FGF1: variants seen among roughly 807,000 people sequenced by gnomAD.
FGF1 encodes the protein fibroblast growth factor 1, also known as beta-endothelial cell growth factor.
In FGF1, 9 loss-of-function variants were observed where a neutral mutation model predicts 13.4. The ratio of observed to expected loss-of-function variants is 0.67; its 90% CI spans 0.40 to 1.17. The LOEUF is 1.17. Ranked by LOEUF, FGF1 falls within the 50% of genes most tolerant of loss-of-function variation. The pLI is 0.01. For synonymous variants in FGF1, 93 were observed against 79.0 expected (o/e 1.18, Z -0.94); for missense variants, 156 against 192.7 (o/e 0.81, Z 1.13).
chr5:142,609,538 A>C (rs927081071), intron 2 of FGF1, among the ~76,000 whole-genome samples: 6 of 152,164 alleles, frequency 3.9e-5, no homozygotes, highest in African/African-American at 1.4e-4. Flanking sequence ...GGCTTGCTGC[A>C]CCTGTGTCTG....
chr5:142,596,581 A>AT lies in FGF1; in HGVS notation c.274-1098dup, dbSNP rs1248236555. Among the ~76,000 whole-genome samples the AT allele has an allele frequency of 7.7e-3, 936 of 121,816 alleles. 11 individuals carry two copies. The highest frequency in any genetic ancestry group is 0.026 in the Middle Eastern group (4 of 156). 79.9% of individuals were successfully genotyped at this position (121,816 alleles called of 152,430 possible). The stretch of plus-strand genomic sequence containing the variant: ...AACATAGCAAGACCCATTCTCTACA[A>AT]TTTTTTTTTTTTAATTAGCTAGGTG... On this transcript the variant is annotated intron_variant, in intron 3 of 3. Transcript: ENST00000337706.
At chr5:142,640,923 A>G (rs1765103291) in intron 1 of FGF1, among the ~76,000 whole-genome samples, 1 of 152,028 alleles carries the variant, frequency 6.6e-6, no homozygotes, top group Non-Finnish European at 1.5e-5. Context: ...CCCCACAGAC[A>G]TAGACTCTCT....
rs375165081 is a variant in FGF1 at position 142,667,383 on chromosome 5, G to A, written c.-35+18574C>T. On this transcript the variant is annotated intron_variant, in intron 1 of 3. Transcript: ENST00000337706. Reference sequence around the variant, plus strand: ...GGGCGGGTCATGAGGTCAGGAGATCGAGACCATCCTGGCTAACTCGGTGAA... The same window carrying A: ...GGGCGGGTCATGAGGTCAGGAGATCAAGACCATCCTGGCTAACTCGGTGAA... Among the ~76,000 whole-genome samples, 254 of 151,736 alleles carry A rather than the reference G, an allele frequency of 1.7e-3. 1 individual carries two copies. Among genetic ancestry groups the A allele is most frequent in the East Asian group, 6.6e-3 (34 of 5,154 alleles).
rs543668631 is a variant in FGF1 at position 142,653,716 on chromosome 5, G to A, written c.-35+32241C>T. On this transcript the variant is annotated intron_variant, in intron 1 of 3. Transcript: ENST00000337706. ...TGCCTGCCTGTCTTCTACGACACCG[G>A]TTGGGGCTTAAATTCTACTTTTATT... is the stretch of plus-strand genomic sequence containing the variant. Among the ~76,000 whole-genome samples the A allele has an allele frequency of 3.3e-5, 5 of 152,274 alleles. No homozygotes were observed. In the South Asian group the frequency reaches 8.3e-4, roughly 25 times the overall value.
chr5:142,687,362 G>C (rs1332547534), upstream of FGF1, among the ~76,000 whole-genome samples: 1 of 152,182 alleles, frequency 6.6e-6, no homozygotes, highest in African/African-American at 2.4e-5. Flanking sequence ...ATGAGCCTTG[G>C]AGAAGGAGCT....
chr5:142,660,281 C>T (rs1424137243), intron 1 of FGF1, among the ~76,000 whole-genome samples: 1 of 152,248 alleles, frequency 6.6e-6, no homozygotes, highest in Non-Finnish European at 1.5e-5. Flanking sequence ...GGGAGCCACT[C>T]AGCCTCTGAC....
chr5:142,687,144 C>T (rs1031869692), upstream of FGF1, among the ~76,000 whole-genome samples: 1 of 152,042 alleles, frequency 6.6e-6, no homozygotes, highest in Non-Finnish European at 1.5e-5. Flanking sequence ...TGCACGCATG[C>T]ACTCCCATGT....
intron 1 of FGF1, among the ~76,000 whole-genome samples, chr5:142,653,975 C>G (rs996872292): frequency 6.6e-6 from 1 of 152,126 alleles, no homozygotes; most frequent in Non-Finnish European, 1.5e-5. Flanking sequence ...ACCTGTAGTC[C>G]CGGCTACTCG....
At chr5:142,623,017 C>G (rs1025133444) in intron 1 of FGF1, among the ~76,000 whole-genome samples, 3 of 152,354 alleles carry the variant, frequency 2.0e-5, no homozygotes, top group Admixed American at 6.5e-5. Context: ...AGGAATTTTA[C>G]TATTATTAAA....
At chr5:142,646,947 G>A (rs900753820) in intron 1 of FGF1, among the ~76,000 whole-genome samples, 1 of 152,174 alleles carries the variant, frequency 6.6e-6, no homozygotes, top group East Asian at 1.9e-4. Flanking sequence ...GTTGAAGGAA[G>A]CCTCATGGAC....
At chr5:142,683,652 T>G (rs1456895798) in intron 1 of FGF1, among the ~76,000 whole-genome samples, 1 of 151,600 alleles carries the variant, frequency 6.6e-6, no homozygotes. Flanking sequence ...AGAAACCCCG[T>G]CTCTAATAAA....
At chr5:142,661,810 T>G (rs910034001) in intron 1 of FGF1, among the ~76,000 whole-genome samples, 1 of 152,164 alleles carries the variant, frequency 6.6e-6, no homozygotes, top group African/African-American at 2.4e-5. Context: ...GAGACCATCC[T>G]GGCTAACACG....
At position 142,595,508 on chromosome 5, in the gene FGF1, A is replaced by T. The variant is rs751830430; in HGVS notation, c.274-24T>A. 1.9e-6 allele frequency: 3 copies of T among 1,598,118 alleles called. No homozygotes were observed. In the Admixed American group the frequency reaches 5.1e-5, roughly 27 times the overall value. On this transcript the variant is annotated intron_variant, in intron 3 of 3. Transcript: ENST00000337706. ...TGCTAAAAAGATAAAACCAAAAGAG[A>T]GTAGGACAATCAGTGAGTAGTTTCA... is the stretch of plus-strand genomic sequence containing the variant.
At chr5:142,621,130 C>A (rs1473541076) in intron 1 of FGF1, among the ~76,000 whole-genome samples, 1 of 152,194 alleles carries the variant, frequency 6.6e-6, no homozygotes, top group Non-Finnish European at 1.5e-5. Context: ...TCATCACTCC[C>A]CTGCTGTAGA....
At chr5:142,636,521 T>G (rs191398713) in intron 1 of FGF1, among the ~76,000 whole-genome samples, 1 of 152,324 alleles carries the variant, frequency 6.6e-6, no homozygotes, top group Admixed American at 6.5e-5. Context: ...TAAGGAATAT[T>G]GTGAATAACA....
intron 3 of FGF1, among the ~76,000 whole-genome samples, chr5:142,599,827 C>T (rs1756097245): frequency 6.6e-6 from 1 of 150,594 alleles, no homozygotes; most frequent in Admixed American, 6.6e-5. Flanking sequence ...AACAATTAGA[C>T]TATGCCTCTC....
chr5:142,630,268 A>T (rs964262327), intron 1 of FGF1, among the ~76,000 whole-genome samples: 37 of 152,100 alleles, frequency 2.4e-4, no homozygotes, highest in South Asian at 1.2e-3. Flanking sequence ...CCCTAGTCCC[A>T]GCTGTGTTAG....
In FGF1 at chr5:142,592,553, A is replaced by G; in HGVS notation, c.*2737T>C. 1 of 397,744 alleles carries G rather than the reference A, an allele frequency of 2.5e-6. No individual in the cohort carries two copies. The allele number at this position is 397,744 out of a possible 1,614,324, so 24.6% of individuals were successfully genotyped here. ...AGAGCTGGCCCGAAAATGAATCCATATGAGAGTCACGTGACAGGAGCTGGC... is the reference window on the plus strand; with the variant it reads ...AGAGCTGGCCCGAAAATGAATCCATGTGAGAGTCACGTGACAGGAGCTGGC... On this transcript the variant is annotated 3_prime_UTR_variant, in exon 4 of 4. Transcript: ENST00000337706.
intron 1 of FGF1, among the ~76,000 whole-genome samples, chr5:142,682,074 T>A (rs1773817193): frequency 6.7e-6 from 1 of 149,312 alleles, no homozygotes; most frequent in Non-Finnish European, 1.5e-5. Context: ...GTAAGCAGCC[T>A]TTTCTCCTCT....
Sources: allele counts gnomAD v4.1 joint callset (sites outside exome capture counted in the v4.1 genomes callset), GRCh38; gene constraint gnomAD v4.1.1; transcripts MANE v1.5; gene names NCBI Gene and HGNC (gene_info 2026-07-23, HGNC 2026-07-21).